Variants in PKIG observed in about 807,000 individuals in gnomAD.
PKIG encodes the protein cAMP-dependent protein kinase inhibitor gamma, also known as protein kinase (cAMP-dependent, catalytic) inhibitor gamma.
PKIG carries 1 observed loss-of-function variant against 6.8 expected under a neutral mutation model. The observed-to-expected ratio is 0.15, with a 90% CI of 0.05 to 0.69. PKIG has a LOEUF of 0.69. Ranked by LOEUF, PKIG falls within the 30% of genes least tolerant of loss-of-function variation. PKIG has a pLI of 0.82. For synonymous variants in PKIG, 39 were observed against 43.0 expected, an observed-to-expected ratio of 0.91 and a Z score of 0.36; for missense variants, 77 against 104.0, an observed-to-expected ratio of 0.74 and a Z score of 1.13.
intron 1 of PKIG, among the ~76,000 whole-genome samples, chr20:44,565,867 A>G (rs1406982556): frequency 6.6e-6 from 1 of 152,106 alleles, no homozygotes; most frequent in African/African-American, 2.4e-5. Context: ...GGTTCAAGCA[A>G]TTCTCCCTCC....
intron 1 of PKIG, chr20:44,564,323 G>A (rs1014221149): frequency 6.6e-6 from 1 of 152,188 alleles, no homozygotes; most frequent in Non-Finnish European, 1.5e-5. Context: ...AGTCAAAACT[G>A]CCTCTCCTCT....
intron 1 of PKIG, among the ~76,000 whole-genome samples, chr20:44,555,825 C>CT (rs1265526824): frequency 6.6e-5 from 10 of 151,992 alleles, no homozygotes; most frequent in Non-Finnish European, 1.5e-4. Flanking sequence ...TAGAGACCTA[C>CT]TTTATTTATT....
At chr20:44,608,549 TCCCAA>T in intron 2 of PKIG, among the ~76,000 whole-genome samples, 1 of 152,278 alleles carries the variant, frequency 6.6e-6, no homozygotes, top group East Asian at 1.9e-4. Flanking sequence ...AGGCCTGTAA[TCCCAA>T]CACTTTGGAA....
chr20:44,589,219 C>T (rs1472871762), intron 1 of PKIG, among the ~76,000 whole-genome samples: 5 of 151,914 alleles, frequency 3.3e-5, no homozygotes, highest in Admixed American at 3.3e-4. Flanking sequence ...CACCTGTAAT[C>T]TCAACTAGTC....
intron 2 of PKIG, among the ~76,000 whole-genome samples, chr20:44,608,486 G>C (rs2123456466): frequency 6.6e-6 from 1 of 152,280 alleles, no homozygotes; most frequent in Middle Eastern, 3.4e-3. Flanking sequence ...TCATTTTGGT[G>C]TCTTTAGTTT....
intron 2 of PKIG, among the ~76,000 whole-genome samples, chr20:44,610,618 A>C (rs1400197621): frequency 6.6e-6 from 1 of 152,136 alleles, no homozygotes; most frequent in African/African-American, 2.4e-5. Flanking sequence ...TTGCACAATA[A>C]TTTGGGTTTA....
At chr20:44,604,004 G>A (rs2065143638) in intron 2 of PKIG, among the ~76,000 whole-genome samples, 1 of 151,972 alleles carries the variant, frequency 6.6e-6, no homozygotes, top group South Asian at 2.1e-4. Flanking sequence ...TTGAAGTAGA[G>A]GACAGAGGGC....
At chr20:44,540,847 A>T (rs1303267657) in intron 1 of PKIG, among the ~76,000 whole-genome samples, 1 of 151,866 alleles carries the variant, frequency 6.6e-6, no homozygotes, top group East Asian at 1.9e-4. Flanking sequence ...CTCCCCAAGT[A>T]CTGGGATTAC....
chr20:44,560,174 G>A (rs1374600958), intron 1 of PKIG, among the ~76,000 whole-genome samples: 3 of 152,082 alleles, frequency 2.0e-5, no homozygotes, highest in Non-Finnish European at 4.4e-5. Flanking sequence ...GGTTTGAGCT[G>A]GGGAGGCGGA....
At chr20:44,584,488 C>CA (rs61654555) in intron 1 of PKIG, among the ~76,000 whole-genome samples, 10,496 of 64,266 alleles carry the variant, frequency 0.16, 861 homozygotes, top group African/African-American at 0.34. Context: ...AGCCAGAGTG[C>CA]AAAAAAAAAA....
At chr20:44,548,607 T>G (rs1041275312) in intron 1 of PKIG, among the ~76,000 whole-genome samples, 2 of 152,182 alleles carry the variant, frequency 1.3e-5, no homozygotes, top group African/African-American at 2.4e-5. Context: ...ACAAGTTTTG[T>G]AGCAGTCTGT....
intron 1 of PKIG, among the ~76,000 whole-genome samples, chr20:44,577,537 G>A (rs969349534): frequency 2.6e-5 from 4 of 152,064 alleles, no homozygotes; most frequent in African/African-American, 9.7e-5. Context: ...CTGTTCTTCT[G>A]TATTTTCTTA....
intron 2 of PKIG, among the ~76,000 whole-genome samples, chr20:44,604,276 G>A (rs190292146): frequency 5.3e-5 from 8 of 152,354 alleles, no homozygotes; most frequent in Non-Finnish European, 1.2e-4. Context: ...TTTTTGACTT[G>A]CATAATTGAT....
chr20:44,611,826 A>G (rs775248499), intron 2 of PKIG, among the ~76,000 whole-genome samples: 5 of 151,628 alleles, frequency 3.3e-5, no homozygotes, highest in Non-Finnish European at 5.9e-5. Flanking sequence ...GCCGATAACA[A>G]ATTTTTTTTT....
chr20:44,581,042 C>T (rs1434358776), upstream of PKIG, among the ~76,000 whole-genome samples: 2 of 152,108 alleles, frequency 1.3e-5, no homozygotes, highest in Admixed American at 6.6e-5. Flanking sequence ...AGGCTGGCTG[C>T]GGCAACCACT....
At chr20:44,572,934 C>T (rs1472165829) in intron 1 of PKIG, among the ~76,000 whole-genome samples, 4 of 152,190 alleles carry the variant, frequency 2.6e-5, no homozygotes, top group African/African-American at 7.2e-5. Context: ...CATGCCTCTG[C>T]TCTGATGAGT....
At chr20:44,561,052 A>G (rs1251059317) in intron 1 of PKIG, among the ~76,000 whole-genome samples, 3 of 152,216 alleles carry the variant, frequency 2.0e-5, no homozygotes, top group African/African-American at 7.2e-5. Flanking sequence ...AAAACGTCAC[A>G]ATGGGCCGGG....
intron 1 of PKIG, among the ~76,000 whole-genome samples, chr20:44,544,303 GA>G (rs2064590598): frequency 6.6e-6 from 1 of 152,104 alleles, no homozygotes; most frequent in African/African-American, 2.4e-5. Context: ...TTTCTGTTAG[GA>G]AAATTTTTTT....
intron 1 of PKIG, among the ~76,000 whole-genome samples, chr20:44,569,771 A>G (rs1476702509): frequency 6.6e-6 from 1 of 151,998 alleles, no homozygotes; most frequent in Non-Finnish European, 1.5e-5. Flanking sequence ...GCCATATCGC[A>G]CACTCCCCGT....
Sources: gnomAD v4.1 joint callset for allele counts (sites outside exome capture counted in the v4.1 genomes callset) on GRCh38, gnomAD v4.1.1 for gene constraint, MANE v1.5 for transcripts, NCBI Gene and HGNC (gene_info 2026-07-23, HGNC 2026-07-21) for gene names.